TFAP4: variants seen among roughly 807,000 people sequenced by gnomAD.
The protein encoded by TFAP4 is transcription factor AP-4, also known as activating enhancer-binding protein 4.
In TFAP4, 7 loss-of-function variants were observed where a neutral mutation model predicts 40.4. The observed-to-expected ratio is 0.17, with a 90% CI of 0.10 to 0.33. The LOEUF (loss-of-function observed/expected upper bound fraction) is 0.33. TFAP4 is among the 10% of genes least tolerant of loss of function. The pLI is 1.00. For missense variants in TFAP4, 374 were observed against 451.1 expected, an observed-to-expected ratio of 0.83 and a Z score of 1.55; for synonymous variants, 218 against 181.4, an observed-to-expected ratio of 1.20 and a Z score of -1.62.
chr16:4,262,972 G>A (rs772656052), intron 1 of TFAP4: 3 of 479,304 alleles, frequency 6.3e-6, no homozygotes, highest in Non-Finnish European at 1.1e-5. Context: ...CTAAGAGTTT[G>A]AGATCAGCCT....
At chr16:4,267,759 C>G (rs1469289527) in intron 1 of TFAP4, among the ~76,000 whole-genome samples, 1 of 152,260 alleles carries the variant, frequency 6.6e-6, no homozygotes, top group African/African-American at 2.4e-5. Context: ...AAAGTCCACA[C>G]GGGATTCTCC....
intron 6 of TFAP4, among the ~76,000 whole-genome samples, chr16:4,258,956 C>A (rs1362780638): frequency 6.6e-6 from 1 of 151,828 alleles, no homozygotes; most frequent in African/African-American, 2.4e-5. Flanking sequence ...GGCGTGGTGG[C>A]ACATGCCTAT....
At chr16:4,262,809 GC>G in intron 1 of TFAP4, 108 bp from the exon 2 acceptor site, 1 of 1,288,194 alleles carries the variant, frequency 7.8e-7, no homozygotes, top group Non-Finnish European at 1.1e-6. Flanking sequence ...AAGATGCCAG[GC>G]CACCCCCAGA....
intron 3 of TFAP4, 171 bp from the exon 4 acceptor site, chr16:4,262,120 A>C: frequency 5.6e-6 from 5 of 888,420 alleles, no homozygotes; most frequent in Non-Finnish European, 8.4e-6. Context: ...GCTGCTTTAC[A>C]TAACAGTCAC....
chr16:4,263,282 G>C (rs555804200), intron 1 of TFAP4: 1 of 153,668 alleles, frequency 6.5e-6, no homozygotes, highest in Admixed American at 6.5e-5. Flanking sequence ...CAAGAGCTTA[G>C]AAACTATGCA....
In TFAP4 at chr16:4,257,805, GC is replaced by G. The variant is rs1035082722; in HGVS notation, c.*249del. 5.2e-5 allele frequency: 21 copies of G among 406,378 alleles called. No individual in the cohort carries two copies. The highest frequency in any genetic ancestry group is 4.4e-4 in the African/African-American group (21 of 48,204). The allele number at this position is 406,378 out of a possible 1,614,324, so 25.2% of individuals were successfully genotyped here. On this transcript the variant is annotated 3_prime_UTR_variant, in exon 7 of 7. Transcript: ENST00000204517. Reference sequence around the variant, plus strand: ...GGCATCTCCGTGTCAGCTTCCTCCAGCCCCCGGGGCCGAGGCCCCGCCCTGG... The same window carrying G: ...GGCATCTCCGTGTCAGCTTCCTCCAGCCCCGGGGCCGAGGCCCCGCCCTGG...
intron 1 of TFAP4, among the ~76,000 whole-genome samples, chr16:4,268,418 C>T (rs2053014456): frequency 6.6e-6 from 1 of 152,102 alleles, no homozygotes; most frequent in African/African-American, 2.4e-5. Flanking sequence ...GACCACAAGG[C>T]TGTGAGCTGC....
chr16:4,262,324 C>T lies in TFAP4; in HGVS notation c.354G>A (p.Gln118=), dbSNP rs1255921697. Residue 118 remains glutamine, a splice_region_variant and synonymous_variant, in exon 3 of 7, where the codon CAG becomes CAA. Transcript: ENST00000204517. The part of the protein sequence containing the change: ...QQNTQLKRFI[Q]ELSGSSPKRR... ...GGGAGCCATGAAGGACAGGGCGCAC[C>T]TGGATGAAGCGCTTGAGCTGTGTGT... The T allele has an allele frequency of 6.2e-7, 1 of 1,614,036 alleles. No individual in the cohort carries two copies. Among genetic ancestry groups the T allele is most frequent in the Non-Finnish European group, 8.5e-7 (1 of 1,180,036 alleles).
intron 1 of TFAP4, among the ~76,000 whole-genome samples, chr16:4,269,271 A>G (rs1235323171): frequency 6.6e-6 from 1 of 151,758 alleles, no homozygotes; most frequent in South Asian, 2.1e-4. Flanking sequence ...AGGTGGGCAG[A>G]TCACGAGGTC....
Position 4,257,449 on chromosome 16 carries a change from A to C in TFAP4, c.*606T>G, listed in dbSNP as rs1208975734. The C allele has an allele frequency of 1.3e-5, 1 of 78,146 alleles. No individual in the cohort carries two copies. Among genetic ancestry groups the C allele is most frequent in the African/African-American group, 4.9e-5 (1 of 20,204 alleles). The allele number at this position is 78,146 out of a possible 1,614,324, so 4.8% of individuals were successfully genotyped here. The stretch of plus-strand genomic sequence containing the variant: ...TTTTGGGGTGGAAGATGAGACCTGG[A>C]GGCAGAGGTGGGGGCTGGGGGGTGG... On this transcript the variant is annotated 3_prime_UTR_variant, in exon 7 of 7. Transcript: ENST00000204517.
intron 4 of TFAP4, among the ~76,000 whole-genome samples, chr16:4,261,058 T>G (rs2052943804): frequency 6.6e-6 from 1 of 152,082 alleles, no homozygotes; most frequent in Non-Finnish European, 1.5e-5. Flanking sequence ...AGCCTCCACC[T>G]CCTGGGCTCA....
At chr16:4,265,078 T>C (rs1000978318) in intron 1 of TFAP4, 2 of 137,120 alleles carry the variant, frequency 1.5e-5, no homozygotes, top group African/African-American at 5.4e-5. Flanking sequence ...GAGGGATACA[T>C]TTTTTTTTTT....
At chr16:4,271,019 G>A (rs1161407884) in intron 1 of TFAP4, among the ~76,000 whole-genome samples, 2 of 152,240 alleles carry the variant, frequency 1.3e-5, no homozygotes, top group Admixed American at 6.5e-5. Flanking sequence ...TTCTAGCAAA[G>A]TGAGTCCCCA....
intron 1 of TFAP4, among the ~76,000 whole-genome samples, chr16:4,271,541 C>A (rs1455333570): frequency 6.6e-6 from 1 of 152,196 alleles, no homozygotes; most frequent in Non-Finnish European, 1.5e-5. Context: ...AAGAAGTGTG[C>A]GGGGTGGTTT....
chr16:4,260,269 T>C (rs1470747219), intron 5 of TFAP4, 24 bp from the exon 6 acceptor site: 2 of 1,539,604 alleles, frequency 1.3e-6, no homozygotes, highest in East Asian at 4.6e-5. Context: ...GCCCTCAGCC[T>C]TTCTCTCAAG....
At chr16:4,267,622 C>T (rs924810507) in intron 1 of TFAP4, among the ~76,000 whole-genome samples, 1 of 152,230 alleles carries the variant, frequency 6.6e-6, no homozygotes, top group African/African-American at 2.4e-5. Context: ...GTCAAGTACC[C>T]CCAATCCCTC....
At chr16:4,259,088 CAAAAAAAAAG>C (rs372728055) in intron 6 of TFAP4, among the ~76,000 whole-genome samples, 2,166 of 147,186 alleles carry the variant, frequency 0.015, 61 homozygotes, top group African/African-American at 0.051. Context: ...AACTCTATCT[CAAAAAAAAAG>C]AAAAAAAAAG....
chr16:4,266,866 T>G (rs1295571144), intron 1 of TFAP4: 1 of 152,188 alleles, frequency 6.6e-6, no homozygotes, highest in Admixed American at 6.6e-5. Context: ...AACACCGAGG[T>G]TCTCTTTTTT....
chr16:4,261,686 G>A (rs2052949630), intron 4 of TFAP4, 93 bp downstream of exon 4: 1 of 1,373,876 alleles, frequency 7.3e-7, no homozygotes, highest in Non-Finnish European at 9.6e-7. Context: ...CCTGTAAATA[G>A]GGCTCCACCG....
Sources: allele counts gnomAD v4.1 joint callset (sites outside exome capture counted in the v4.1 genomes callset), GRCh38; gene constraint gnomAD v4.1.1; transcripts MANE v1.5; gene names NCBI Gene and HGNC (gene_info 2026-07-23, HGNC 2026-07-21).